Variants in PCDH20 observed in about 807,000 individuals in gnomAD.
PCDH20 encodes protocadherin 20.
PCDH20 carries 18 observed loss-of-function variants against 39.7 expected under a neutral mutation model. That is an observed-to-expected ratio of 0.45 (90% CI 0.31 to 0.67). The LOEUF is 0.67. Ranked by LOEUF, PCDH20 falls within the 30% of genes least tolerant of loss-of-function variation. PCDH20 has a pLI of 0.05. For synonymous variants in PCDH20, 495 were observed against 455.4 expected (o/e 1.09, Z -1.11); for missense variants, 1,161 against 1,167.4 (o/e 0.99, Z 0.08).
At position 61,415,026 on chromosome 13, in the gene PCDH20, C is replaced by T. The variant is rs1201505704; in HGVS notation, c.132+1G>A. ...CGGGGTTCCTTGACCCTAACCCTTA[C>T]CGGCAGGTTCCTGTAGCTGGTGCTG... On this transcript the variant is annotated splice_donor_variant, in intron 1 of 1. Coordinates refer to ENST00000409204, the Ensembl canonical transcript of PCDH20. LOFTEE classifies it high-confidence loss of function. The T allele has an allele frequency of 5.4e-6, 8 of 1,479,144 alleles. No individual in the cohort carries two copies. The highest frequency in any genetic ancestry group is 7.2e-6 in the Non-Finnish European group (8 of 1,104,590). The allele number at this position is 1,479,144 out of a possible 1,614,324, so 91.6% of individuals were successfully genotyped here.
At chr13:61,415,339 C>T (rs952128554) in exon 1 of PCDH20, 23 of 682,652 alleles carry the variant, frequency 3.4e-5, no homozygotes, top group Non-Finnish European at 4.0e-5. Context: ...TGGTTTCCTG[C>T]CCCGGACGCA....
exon 2 of PCDH20, chr13:61,410,801 A>C (rs1878228894): frequency 6.5e-6 from 1 of 152,888 alleles, no homozygotes; most frequent in African/African-American, 2.4e-5. Context: ...TGTTAAAAAC[A>C]ATATATTTAA....
exon 2 of PCDH20, chr13:61,410,694 T>A (rs1041252021): frequency 6.6e-6 from 1 of 152,666 alleles, no homozygotes; most frequent in Non-Finnish European, 1.5e-5. Context: ...TATGCACTTA[T>A]GAGGTAATAA....
chr13:61,410,067 T>C (rs1878214301), exon 2 of PCDH20: 1 of 152,092 alleles, frequency 6.6e-6, no homozygotes, highest in Non-Finnish European at 1.5e-5. Context: ...GCTTTCTTCA[T>C]TGCAAGAGAT....
At chr13:61,414,807 A>T (rs899162545) in intron 1 of PCDH20, among the ~76,000 whole-genome samples, 2 of 152,178 alleles carry the variant, frequency 1.3e-5, no homozygotes, top group Admixed American at 1.3e-4. Context: ...CCTTATCTGG[A>T]TACATTTCTT....
intron 1 of PCDH20, 115 bp from the exon 2 acceptor site, chr13:61,414,081 A>G: frequency 2.2e-6 from 2 of 921,732 alleles, no homozygotes; most frequent in Non-Finnish European, 3.2e-6. Flanking sequence ...CAGAAGCAAA[A>G]CCTCTAATTA....
chr13:61,413,197 A>C (rs200045223), exon 2 of PCDH20: 2 of 1,614,124 alleles, frequency 1.2e-6, no homozygotes, highest in Middle Eastern at 1.6e-4. Flanking sequence ...GGCACTGCCC[A>C]AAAGTGGTGG....
exon 2 of PCDH20, chr13:61,412,262 C>T: frequency 1.9e-6 from 3 of 1,614,128 alleles, no homozygotes; most frequent in Non-Finnish European, 2.5e-6. Flanking sequence ...TTCCCACAGT[C>T]AACAGCTCTG....
exon 2 of PCDH20, chr13:61,413,012 C>T: frequency 6.2e-7 from 1 of 1,614,168 alleles, no homozygotes; most frequent in Non-Finnish European, 8.5e-7. Context: ...GCTTGTGGAA[C>T]TTTCTGACTG....
chr13:61,414,021 G>C lies in PCDH20; in HGVS notation c.133-55C>G, dbSNP rs532874271. On this transcript the variant is annotated intron_variant, in intron 1 of 1. Transcript: ENST00000409204. Reference sequence around the variant, plus strand: ...TACACACACGGGGAAATAGGGGTCCGAGAGAGAAACTAGCGCCCCTGTGAT... The same window carrying C: ...TACACACACGGGGAAATAGGGGTCCCAGAGAGAAACTAGCGCCCCTGTGAT... 8.6e-5 allele frequency: 124 copies of C among 1,443,790 alleles called. No homozygotes were observed. The African/African-American group carries it at 1.4e-3, about 17-fold the overall frequency. The allele number at this position is 1,443,790 out of a possible 1,614,324, so 89.4% of individuals were successfully genotyped here.
chr13:61,415,082 A>G (rs540369203), exon 1 of PCDH20: 2 of 1,575,080 alleles, frequency 1.3e-6, no homozygotes, highest in South Asian at 1.2e-5. Context: ...CCCCATATCC[A>G]GGCGCGGGTG....
chr13:61,411,177 C>T, exon 2 of PCDH20: 1 of 1,389,552 alleles, frequency 7.2e-7, no homozygotes, highest in South Asian at 1.3e-5. Flanking sequence ...TCAACACACT[C>T]TTTTTTAGGT....
At chr13:61,415,767 C>A (rs192172035), upstream of PCDH20, 9 of 152,302 alleles carry the variant, frequency 5.9e-5, no homozygotes, top group African/African-American at 2.2e-4. Context: ...TTTCGACATA[C>A]CCCAATTTTG....
At chr13:61,411,833 G>A in exon 2 of PCDH20, 1 of 1,614,162 alleles carries the variant, frequency 6.2e-7, no homozygotes, top group South Asian at 1.1e-5. Context: ...AGAGTAGAAG[G>A]CAGTACTAAC....
chr13:61,413,395 AC>A lies in PCDH20; in HGVS notation c.703del (p.Val235TrpfsTer5). ...CCCATTAATGCCTACATCTGGGTCC[AC>A]AGCAGGATGCTCTATGGCCAGTCGG... On this transcript the variant is annotated frameshift_variant, in exon 2 of 2. Transcript: ENST00000409204. LOFTEE classifies it high-confidence loss of function. 6.2e-7 allele frequency: 1 copy of A among 1,614,136 alleles called. No homozygotes were observed. The highest frequency in any genetic ancestry group is 8.5e-7 in the Non-Finnish European group (1 of 1,180,020).
At chr13:61,414,116 C>G in intron 1 of PCDH20, 150 bp from the exon 2 acceptor site, 1 of 724,030 alleles carries the variant, frequency 1.4e-6, no homozygotes, top group Non-Finnish European at 2.2e-6. Context: ...AAGAACCCTG[C>G]TGCGAAGGAG....
At chr13:61,415,062 G>A (rs1015887364) in exon 1 of PCDH20, 2 of 1,569,280 alleles carry the variant, frequency 1.3e-6, no homozygotes, top group Non-Finnish European at 1.7e-6. Flanking sequence ...CTCCTGGGAC[G>A]ATGTAGACGC....
chr13:61,415,425 T>C, exon 1 of PCDH20: 2 of 345,938 alleles, frequency 5.8e-6, no homozygotes, highest in Non-Finnish European at 1.0e-5. Flanking sequence ...AGCTCGGGGT[T>C]GGGCACAGTA....
chr13:61,413,931 G>A, exon 2 of PCDH20: 1 of 1,612,620 alleles, frequency 6.2e-7, no homozygotes, highest in Non-Finnish European at 8.5e-7. Context: ...CGAGGCAGCT[G>A]AAGGGTCCCA....
Sources: allele counts gnomAD v4.1 joint callset (sites outside exome capture counted in the v4.1 genomes callset), GRCh38; gene constraint gnomAD v4.1.1; transcripts MANE v1.5; gene names NCBI Gene and HGNC (gene_info 2026-07-23, HGNC 2026-07-21).